The following ARHGAP42 variants were observed in gnomAD, a reference collection of about 807,000 sequenced individuals.
The protein encoded by ARHGAP42 is rho GTPase-activating protein 42.
Under a neutral mutation model 125.0 loss-of-function variants are expected in ARHGAP42, and 63 were observed. The observed-to-expected ratio is 0.50, with a 90% CI of 0.41 to 0.62. The LOEUF is 0.62. Ranked by LOEUF, ARHGAP42 falls within the 20% of genes least tolerant of loss-of-function variation. ARHGAP42 has a pLI of 0.00. For synonymous variants in ARHGAP42, 339 were observed against 351.0 expected (o/e 0.97, Z 0.38); for missense variants, 766 against 1,024.2 (o/e 0.75, Z 3.44).
Position 100,739,993 on chromosome 11 carries a change from T to C in ARHGAP42, c.155-30350T>C, listed in dbSNP as rs956863027. Among the ~76,000 whole-genome samples, 3 of 152,196 alleles carry C rather than the reference T, an allele frequency of 2.0e-5. No homozygotes were observed. In the South Asian group the frequency reaches 6.2e-4, roughly 32 times the overall value. On this transcript the variant is annotated intron_variant, in intron 1 of 23. Transcript: ENST00000298815. Reference sequence around the variant, plus strand: ...AAAAATTTTGTGTGTGATTTGTTTTTTGCGTGTTGAAATATTATTTTTTAA... The same window carrying C: ...AAAAATTTTGTGTGTGATTTGTTTTCTGCGTGTTGAAATATTATTTTTTAA...
At chr11:100,932,253 T>C (rs1166465741) in intron 6 of ARHGAP42, among the ~76,000 whole-genome samples, 1 of 152,142 alleles carries the variant, frequency 6.6e-6, no homozygotes, top group Non-Finnish European at 1.5e-5. Context: ...TGGTTTCAAA[T>C]TGTGTTTCTT....
intron 1 of ARHGAP42, among the ~76,000 whole-genome samples, chr11:100,752,034 C>T (rs1862472954): frequency 6.6e-6 from 1 of 152,090 alleles, no homozygotes; most frequent in African/African-American, 2.4e-5. Flanking sequence ...CCCACCTTGG[C>T]CTCCCAAAGT....
At chr11:100,706,787 T>A (rs1861487974) in intron 1 of ARHGAP42, among the ~76,000 whole-genome samples, 1 of 152,182 alleles carries the variant, frequency 6.6e-6, no homozygotes, top group Admixed American at 6.6e-5. Flanking sequence ...AATTTACCCT[T>A]TTAAGAATCC....
At chr11:100,883,489 C>T (rs1362862135) in intron 4 of ARHGAP42, among the ~76,000 whole-genome samples, 6 of 151,844 alleles carry the variant, frequency 4.0e-5, no homozygotes, top group African/African-American at 1.5e-4. Context: ...ATTACAGGTG[C>T]CCGCCACCAT....
At position 100,719,775 on chromosome 11, in the gene ARHGAP42, C is replaced by A. The variant is rs140204129; in HGVS notation, c.154+31943C>A. Among the ~76,000 whole-genome samples, 435 of 152,278 alleles carry A rather than the reference C, an allele frequency of 2.9e-3. 3 individuals carry two copies. The highest frequency in any genetic ancestry group is 8.7e-3 in the African/African-American group (362 of 41,540). On this transcript the variant is annotated intron_variant, in intron 1 of 23. Transcript: ENST00000298815. ...TTCCTGTCTTTCAGATATTGCACAT[C>A]CTGAGCCTGTTGTTTTACATGGAAG...
intron 4 of ARHGAP42, among the ~76,000 whole-genome samples, chr11:100,895,352 T>A (rs116184402): frequency 0.011 from 1,664 of 152,250 alleles, 32 homozygotes; most frequent in African/African-American, 0.037. Context: ...CCAGTCAAAA[T>A]CATTGTCTCT....
At chr11:100,770,506 C>T (rs536646585) in intron 2 of ARHGAP42, 68 bp downstream of exon 2, 2 of 1,043,968 alleles carry the variant, frequency 1.9e-6, no homozygotes, top group Admixed American at 2.7e-5. Flanking sequence ...TAGACACACA[C>T]CTAAATAATA....
At chr11:100,843,411 C>G (rs891486736) in intron 3 of ARHGAP42, among the ~76,000 whole-genome samples, 1 of 151,960 alleles carries the variant, frequency 6.6e-6, no homozygotes, top group Non-Finnish European at 1.5e-5. Context: ...GATGCTCACT[C>G]TTACCACTTC....
rs1235370516 is a variant in ARHGAP42, at chr11:100,989,440, G to T, written c.*639G>T. The T allele has an allele frequency of 3.9e-6, 1 of 255,314 alleles. No homozygotes were observed. The highest frequency in any genetic ancestry group is 2.2e-5 in the African/African-American group (1 of 45,440). 15.8% of individuals were successfully genotyped at this position (255,314 alleles called of 1,614,324 possible). On this transcript the variant is annotated 3_prime_UTR_variant, in exon 24 of 24. Coordinates refer to ENST00000298815, the MANE Select transcript of ARHGAP42 (RefSeq NM_152432.4). Reference sequence around the variant, plus strand: ...ACACTGATTCCACTGTAAACAATCTGTCCAGAATTCCAGACACCTTCAGCA... The same window carrying T: ...ACACTGATTCCACTGTAAACAATCTTTCCAGAATTCCAGACACCTTCAGCA...
intron 2 of ARHGAP42, among the ~76,000 whole-genome samples, chr11:100,773,084 G>C (rs571100398): frequency 6.6e-6 from 1 of 152,146 alleles, no homozygotes; most frequent in Non-Finnish European, 1.5e-5. Context: ...TGATCCACCT[G>C]CCTCAGCCTC....
intron 4 of ARHGAP42, among the ~76,000 whole-genome samples, chr11:100,878,979 A>G (rs1591262569): frequency 3.5e-5 from 2 of 56,968 alleles, no homozygotes; most frequent in East Asian, 2.1e-3. Flanking sequence ...GGAGACATGA[A>G]CAATTTTTTT....
intron 6 of ARHGAP42, among the ~76,000 whole-genome samples, chr11:100,923,077 C>A (rs1337266897): frequency 1.3e-5 from 2 of 152,136 alleles, no homozygotes; most frequent in Admixed American, 6.6e-5. Flanking sequence ...TGTTCTGAAG[C>A]TCATCTGGGG....
intron 22 of ARHGAP42, among the ~76,000 whole-genome samples, chr11:100,982,415 A>G (rs562796493): frequency 6.5e-4 from 99 of 152,340 alleles, no homozygotes; most frequent in Middle Eastern, 3.4e-3. Flanking sequence ...ACCCTCCCCA[A>G]GTGATTCTTA....
At chr11:100,984,696 G>A (rs1185713066) in intron 22 of ARHGAP42, among the ~76,000 whole-genome samples, 1 of 151,820 alleles carries the variant, frequency 6.6e-6, no homozygotes, top group Non-Finnish European at 1.5e-5. Flanking sequence ...CCAATGATAA[G>A]GGAAGAAATG....
chr11:100,985,893 A>C (rs1020953425), intron 22 of ARHGAP42, among the ~76,000 whole-genome samples: 2 of 152,184 alleles, frequency 1.3e-5, no homozygotes, highest in Non-Finnish European at 2.9e-5. Context: ...AGGGAAATGA[A>C]ATTATAATGT....
At chr11:100,898,318 T>C (rs1294570136) in intron 4 of ARHGAP42, among the ~76,000 whole-genome samples, 3 of 152,208 alleles carry the variant, frequency 2.0e-5, no homozygotes, top group Non-Finnish European at 2.9e-5. Context: ...TTGTTGTGTC[T>C]CTGCCAGGCT....
intron 4 of ARHGAP42, among the ~76,000 whole-genome samples, chr11:100,895,387 T>A (rs1239079561): frequency 2.0e-5 from 3 of 152,120 alleles, no homozygotes; most frequent in Non-Finnish European, 4.4e-5. Context: ...CTCTCCCATG[T>A]CTTTATCCTG....
At position 100,991,712 on chromosome 11, in the gene ARHGAP42, A is replaced by T. The variant is rs1334741350; in HGVS notation, c.*2911A>T. The T allele has an allele frequency of 1.3e-5, 2 of 152,330 alleles. No homozygotes were observed. Among genetic ancestry groups the T allele is most frequent in the Non-Finnish European group, 2.9e-5 (2 of 68,148 alleles). 9.4% of individuals were successfully genotyped at this position (152,330 alleles called of 1,614,324 possible). A position where few individuals can be genotyped will look rare whatever the true frequency, so the allele number is the denominator to read the frequency against. On this transcript the variant is annotated 3_prime_UTR_variant, in exon 24 of 24. Transcript: ENST00000298815. The stretch of plus-strand genomic sequence containing the variant: ...AGTAAAATCATCTGTGTATTCCTGT[A>T]ACATTCACGAAGTATGAGGAAGTGG...
chr11:100,991,074 A>G lies in ARHGAP42; in HGVS notation c.*2273A>G, dbSNP rs1858819824. 1 of 152,180 alleles carries G rather than the reference A, an allele frequency of 6.6e-6. No homozygotes were observed. The highest frequency in any genetic ancestry group is 2.4e-5 in the African/African-American group (1 of 41,454). 9.4% of individuals were successfully genotyped at this position (152,180 alleles called of 1,614,324 possible). A position where few individuals can be genotyped will look rare whatever the true frequency, so the allele number is the denominator to read the frequency against. ...ATATGTTGCAGCCACAGTACTGGCT[A>G]TGGTCCCTTTGCTGAAACAAGCTAC... On this transcript the variant is annotated 3_prime_UTR_variant, in exon 24 of 24. Coordinates refer to ENST00000298815, the MANE Select transcript of ARHGAP42 (RefSeq NM_152432.4).
Sources: allele counts gnomAD v4.1 joint callset (sites outside exome capture counted in the v4.1 genomes callset), GRCh38; gene constraint gnomAD v4.1.1; transcripts MANE v1.5; gene names NCBI Gene and HGNC (gene_info 2026-07-23, HGNC 2026-07-21).